Variants in SPTBN5 observed in about 807,000 individuals in gnomAD.
SPTBN5 encodes spectrin beta chain, non-erythrocytic 5.
In SPTBN5, 513 loss-of-function variants were observed where a neutral mutation model predicts 477.6. The observed-to-expected ratio is 1.07, with a 90% CI of 1.00 to 1.16. The LOEUF is 1.16. Among genes scored for constraint, SPTBN5 ranks in the 50% most tolerant of loss-of-function variants. The pLI, the probability that SPTBN5 is intolerant of heterozygous loss-of-function variation, is 0.00. For missense variants in SPTBN5, 5,062 were observed against 4,731.8 expected (o/e 1.07, Z -2.05); for synonymous variants, 2,169 against 2,011.7 (o/e 1.08, Z -2.09).
chr15:41,886,380 T>C lies in SPTBN5; in HGVS notation c.889-14A>G, dbSNP rs2067152106. 1.9e-6 allele frequency: 3 copies of C among 1,579,208 alleles called. No individual in the cohort carries two copies. Among genetic ancestry groups the C allele is most frequent in the African/African-American group, 1.3e-5 (1 of 74,368 alleles). ...CTGAAGCAGGATCTGGTGGAGGGCA[T>C]AGGAAGGGGTCAGGGTCCTTCTCAG... On this transcript the variant is annotated splice_polypyrimidine_tract_variant and intron_variant, in intron 6 of 67. Transcript: ENST00000320955.
At chr15:41,882,247 C>T in intron 11 of SPTBN5, 22 bp downstream of exon 11, 2 of 1,387,666 alleles carry the variant, frequency 1.4e-6, no homozygotes, top group Non-Finnish European at 9.4e-7. Flanking sequence ...GCCCCCACCC[C>T]GCCTCCACCC....
intron 39 of SPTBN5, 75 bp downstream of exon 39, chr15:41,865,733 C>T: frequency 7.3e-7 from 1 of 1,364,764 alleles, no homozygotes; most frequent in Non-Finnish European, 1.0e-6. Flanking sequence ...CTACAGCCCA[C>T]ACTCTTTCCC....
chr15:41,852,217 G>A lies in SPTBN5; in HGVS notation c.10549C>T (p.Leu3517=), dbSNP rs1358976365. ...FQWRPSGHQG[L]GAQLAETRDP... ...CTCGTCTCAGCCAGCTGTGCTCCTA[G>A]CCCCTGGTGTCCAGAGGGCCTCCAC... The change falls in exon 62 of 68, where the codon CTA becomes TTA. Residue 3517 remains leucine (L), a synonymous_variant. Coordinates refer to ENST00000320955, the MANE Select transcript of SPTBN5 (RefSeq NM_016642.4). 4 of 1,607,364 alleles carry A rather than the reference G, an allele frequency of 2.5e-6. No homozygotes were observed. Among genetic ancestry groups the A allele is most frequent in the African/African-American group, 2.7e-5 (2 of 74,810 alleles).
At chr15:41,852,019 T>C in intron 62 of SPTBN5, 163 bp downstream of exon 62, 1 of 967,932 alleles carries the variant, frequency 1.0e-6, no homozygotes, top group Non-Finnish European at 1.5e-6. Context: ...CAGGGTGGTA[T>C]GGCTGTAGAC....
At chr15:41,851,202 G>T (rs1430066265) in intron 64 of SPTBN5, 52 bp from the exon 65 acceptor site, 8 of 1,587,054 alleles carry the variant, frequency 5.0e-6, no homozygotes, top group Admixed American at 1.8e-5. Context: ...GCTTTTCCCT[G>T]TGGGGTCCCT....
In SPTBN5 at chr15:41,888,887, G is replaced by A. The variant is rs182047075; in HGVS notation, c.502-802C>T. The stretch of plus-strand genomic sequence containing the variant: ...CACATGAGGGGGAGTGGAGTCTCGA[G>A]GCCCTGGGCCCCAGCGAGGTCAGGC... On this transcript the variant is annotated intron_variant, in intron 4 of 67. Coordinates refer to ENST00000320955, the MANE Select transcript of SPTBN5 (RefSeq NM_016642.4). Among the ~76,000 whole-genome samples the A allele has an allele frequency of 2.6e-5, 4 of 152,354 alleles. No homozygotes were observed. In the East Asian group the frequency reaches 7.7e-4, roughly 29 times the overall value.
At position 41,878,644 on chromosome 15, in the gene SPTBN5, G is replaced by T. The variant is rs115971145; in HGVS notation, c.3183-15C>A. 1 of 1,603,650 alleles carries T rather than the reference G, an allele frequency of 6.2e-7. No homozygotes were observed. Among genetic ancestry groups the T allele is most frequent in the Non-Finnish European group, 8.5e-7 (1 of 1,175,310 alleles). On this transcript the variant is annotated splice_polypyrimidine_tract_variant and intron_variant, in intron 16 of 67. Coordinates refer to ENST00000320955, the MANE Select transcript of SPTBN5 (RefSeq NM_016642.4). The stretch of plus-strand genomic sequence containing the variant: ...GCTCCTCGACCCTGGGAGACAGGGT[G>T]CGCTGCACAGTCAGTGCCCTGTCCT...
At position 41,854,120 on chromosome 15, in the gene SPTBN5, A is replaced by G; in HGVS notation, c.9704T>C (p.Met3235Thr). The G allele has an allele frequency of 6.3e-7, 1 of 1,589,874 alleles. No homozygotes were observed. The highest frequency in any genetic ancestry group is 8.6e-7 in the Non-Finnish European group (1 of 1,168,814). ...GCTGTGGCCTCCGTCCTCCCCCTTC[A>G]TCAGGGCCGTCTTCTCCTGCATCCT... Reference protein sequence around the residue: ...QGRMQEKTALMKGEDGGHSLS... With the variant: ...QGRMQEKTALTKGEDGGHSLS... Residue 3235 changes from methionine (M) to threonine (T), a missense_variant, in exon 57 of 68, where the codon ATG (methionine) becomes ACG (threonine). Met to Thr is a moderately conservative substitution (Grantham distance 81). Transcript: ENST00000320955.
chr15:41,878,175 C>T (rs548292205), intron 17 of SPTBN5, among the ~76,000 whole-genome samples, 167 bp downstream of exon 17: 1 of 152,288 alleles, frequency 6.6e-6, no homozygotes, highest in African/African-American at 2.4e-5. Flanking sequence ...TAGATTATAT[C>T]CTCCTCTGTG....
chr15:41,869,923 G>A lies in SPTBN5; in HGVS notation c.5771C>T (p.Ala1924Val), dbSNP rs994531640. ...CATGCGTCGCTGCAGCACTGCCCAC[G>A]CCTGCGTCACAGCTTGCTGCCTCTG... ...VQQRQQAVTQ[A>V]WAVLQRRMEQ... Residue 1924 changes from alanine (A) to valine (V), a missense_variant, in exon 32 of 68, where the codon GCG (alanine) becomes GTG (valine). By Grantham distance (64) the Ala-to-Val change is moderately conservative. Transcript: ENST00000320955. The A allele has an allele frequency of 9.7e-6, 15 of 1,552,412 alleles. No individual in the cohort carries two copies. The highest frequency in any genetic ancestry group is 1.9e-5 in the Admixed American group (1 of 52,714).
intron 24 of SPTBN5, 32 bp from the exon 25 acceptor site, chr15:41,874,077 C>G: frequency 3.2e-6 from 5 of 1,563,112 alleles, no homozygotes; most frequent in Non-Finnish European, 3.4e-6. Context: ...GGCTGCTGCT[C>G]TTAACCCAGG....
intron 17 of SPTBN5, 44 bp downstream of exon 17, chr15:41,878,298 T>C (rs771202387): frequency 1.3e-6 from 2 of 1,596,240 alleles, no homozygotes; most frequent in Non-Finnish European, 8.5e-7. Flanking sequence ...CCCAGAGCCC[T>C]GGTCCCAGCC....
Position 41,887,199 on chromosome 15 carries a change from C to G in SPTBN5, c.888+14G>C. On this transcript the variant is annotated intron_variant, in intron 6 of 67. Coordinates refer to ENST00000320955, the MANE Select transcript of SPTBN5 (RefSeq NM_016642.4). ...TGGAGCCCTTGCTCACCCCACCCCT[C>G]CTTTCTCCCCCACCTTAGTGAGTCT... 1 of 1,550,494 alleles carries G rather than the reference C, an allele frequency of 6.4e-7. No homozygotes were observed. Among genetic ancestry groups the G allele is most frequent in the Non-Finnish European group, 8.7e-7 (1 of 1,146,096 alleles).
At position 41,882,570 on chromosome 15, in the gene SPTBN5, T is replaced by A; in HGVS notation, c.2046+15A>T. ...AGGCGCTGGCGACCGGCGGGCGCGC[T>A]CGGGGAGCTGACACCTTGTGTTTCT... On this transcript the variant is annotated intron_variant, in intron 10 of 67. Coordinates refer to ENST00000320955, the MANE Select transcript of SPTBN5 (RefSeq NM_016642.4). 1 of 1,583,814 alleles carries A rather than the reference T, an allele frequency of 6.3e-7. No homozygotes were observed. The highest frequency in any genetic ancestry group is 2.3e-5 in the East Asian group (1 of 43,394).
chr15:41,870,490 GGGT>G lies in SPTBN5; in HGVS notation c.5515_5517del (p.Thr1839del). ...TCCAAGAGATCTCTGTGAACTCTGA[GGGT>G]GGTCTCGGTGTCTCGGAGCGCGTGG... On this transcript the variant is annotated inframe_deletion, in exon 30 of 68. Coordinates refer to ENST00000320955, the MANE Select transcript of SPTBN5 (RefSeq NM_016642.4). 1 of 1,613,560 alleles carries G rather than the reference GGGT, an allele frequency of 6.2e-7. No homozygotes were observed. The highest frequency in any genetic ancestry group is 8.5e-7 in the Non-Finnish European group (1 of 1,179,832).
chr15:41,848,801 G>A (rs570009621), intron 67 of SPTBN5, among the ~76,000 whole-genome samples, 173 bp from the exon 68 acceptor site: 4 of 152,178 alleles, frequency 2.6e-5, no homozygotes, highest in Non-Finnish European at 4.4e-5. Context: ...ACAGTGACGC[G>A]TGAGTGGGTG....
In SPTBN5 at chr15:41,851,069, ATGTG is replaced by A. The variant is rs767611172; in HGVS notation, c.10821_10824del (p.Thr3608SerfsTer3). 3 of 1,612,354 alleles carry A rather than the reference ATGTG, an allele frequency of 1.9e-6. No homozygotes were observed. The highest frequency in any genetic ancestry group is 2.5e-6 in the Non-Finnish European group (3 of 1,179,580). ...TGTCTCTCCGCTCACCTTAAGGAGAATGTGTGTTTCCTGCCGTGGCGGCCCCGCA... is the reference window on the plus strand; with the variant it reads ...TGTCTCTCCGCTCACCTTAAGGAGAATGTTTCCTGCCGTGGCGGCCCCGCA... On this transcript the variant is annotated frameshift_variant, in exon 65 of 68. Coordinates refer to ENST00000320955, the MANE Select transcript of SPTBN5 (RefSeq NM_016642.4). LOFTEE classifies it high-confidence loss of function.
chr15:41,862,132 T>C lies in SPTBN5; in HGVS notation c.7546A>G (p.Lys2516Glu). The stretch of plus-strand genomic sequence containing the variant: ...GCTTGGGCCAGCTGCCCATTCACCT[T>C]GCACTCCTGATGCTCTTCTAACATA... ...RRMLEEHQEC[K>E]AELDSWTDSI... Residue 2516 changes from lysine to glutamate, a missense_variant and splice_region_variant, in exon 44 of 68, where the codon AAG becomes GAG. Physicochemically the swap from Lys to Glu is moderately conservative, Grantham distance 56 (BLOSUM62 1). Transcript: ENST00000320955. 1 of 1,570,686 alleles carries C rather than the reference T, an allele frequency of 6.4e-7. No homozygotes were observed. Among genetic ancestry groups the C allele is most frequent in the South Asian group, 1.2e-5 (1 of 86,080 alleles).
chr15:41,878,606 T>G lies in SPTBN5; in HGVS notation c.3206A>C (p.Glu1069Ala), dbSNP rs1210766239. The G allele has an allele frequency of 6.2e-7, 1 of 1,612,024 alleles. No individual in the cohort carries two copies. Among genetic ancestry groups the G allele is most frequent in the Admixed American group, 1.7e-5 (1 of 59,960 alleles). The change falls in exon 17 of 68, where the codon GAG (glutamate) becomes GCG (alanine). Residue 1069 changes from glutamate to alanine, a missense_variant. Glu to Ala is a moderately radical substitution (Grantham distance 107). Transcript: ENST00000320955. Reference sequence around the variant, plus strand: ...CACCTGTCCTTGCAGAGGCTGGCTCTCTGCGTAGCCTGGCTCCTCGACCCT... The same window carrying G: ...CACCTGTCCTTGCAGAGGCTGGCTCGCTGCGTAGCCTGGCTCCTCGACCCT... ...VVKVEEPGYA[E>A]SQPLQGQVET...
Sources: gnomAD v4.1 joint callset for allele counts (sites outside exome capture counted in the v4.1 genomes callset) on GRCh38, gnomAD v4.1.1 for gene constraint, MANE v1.5 for transcripts, NCBI Gene and HGNC (gene_info 2026-07-23, HGNC 2026-07-21) for gene names.